Variants in EYS observed in about 807,000 individuals in gnomAD.
EYS encodes the protein EGF-like photoreceptor maintenance factor.
Under a neutral mutation model 282.1 loss-of-function variants are expected in EYS, and 250 were observed. That is an observed-to-expected ratio of 0.89 (90% CI 0.80 to 0.98). The LOEUF is 0.98. Ranked by LOEUF, EYS falls within the 50% of genes least tolerant of loss-of-function variation. The pLI is 0.00. For synonymous variants in EYS, 1,355 were observed against 1,282.9 expected (o/e 1.06, Z -1.20); for missense variants, 4,016 against 3,709.0 (o/e 1.08, Z -2.15).
chr6:64,424,563 G>A lies in EYS; in HGVS notation c.5927+11611C>T, dbSNP rs139365425. On this transcript the variant is annotated intron_variant, in intron 28 of 42. Coordinates refer to ENST00000503581, the MANE Select transcript of EYS (RefSeq NM_001142800.2). Reference sequence around the variant, plus strand: ...TGCTTTATTTCACTGCAAACCCTGCGTGTTTTTAAGACAACAGATGTGGCT... The same window carrying A: ...TGCTTTATTTCACTGCAAACCCTGCATGTTTTTAAGACAACAGATGTGGCT... Among the ~76,000 whole-genome samples, 12 of 152,248 alleles carry A rather than the reference G, an allele frequency of 7.9e-5. No individual in the cohort carries two copies. In the East Asian group the frequency reaches 1.9e-3, roughly 24 times the overall value.
At chr6:65,111,935 C>A (rs1167969902) in intron 12 of EYS, among the ~76,000 whole-genome samples, 1 of 152,078 alleles carries the variant, frequency 6.6e-6, no homozygotes, top group Non-Finnish European at 1.5e-5. Context: ...TGTTCATCTC[C>A]CAGAAAACCT....
rs191017796 is a variant in EYS at position 64,827,904 on chromosome 6, G to T, written c.2993-5082C>A. On this transcript the variant is annotated intron_variant, in intron 19 of 42. Coordinates refer to ENST00000503581, the MANE Select transcript of EYS (RefSeq NM_001142800.2). ...AATTATGAAATGTAAAAAAAATCCAGAAACAACAAAAAATGGATGGAATAA... is the reference window on the plus strand; with the variant it reads ...AATTATGAAATGTAAAAAAAATCCATAAACAACAAAAAATGGATGGAATAA... Among the ~76,000 whole-genome samples, 10 of 151,654 alleles carry T rather than the reference G, an allele frequency of 6.6e-5. No individual in the cohort carries two copies. In the East Asian group the frequency reaches 2.0e-3, roughly 30 times the overall value.
chr6:64,292,659 C>G (rs547826846), intron 30 of EYS, among the ~76,000 whole-genome samples: 1 of 151,974 alleles, frequency 6.6e-6, no homozygotes, highest in East Asian at 1.9e-4. Flanking sequence ...TATCTGACCT[C>G]TTCTTTGTGA....
intron 29 of EYS, among the ~76,000 whole-genome samples, chr6:64,336,891 A>C (rs895380229): frequency 6.6e-6 from 1 of 152,140 alleles, no homozygotes; most frequent in Non-Finnish European, 1.5e-5. Flanking sequence ...GTCAAAAACG[A>C]AGACAAGATG....
intron 28 of EYS, among the ~76,000 whole-genome samples, chr6:64,395,247 G>A (rs1275617477): frequency 6.6e-5 from 10 of 151,882 alleles, no homozygotes; most frequent in Admixed American, 1.3e-4. Context: ...ATCTAGAACT[G>A]GAAATACCAT....
rs185266587 is a variant in EYS at position 64,260,190 on chromosome 6, T to C, written c.6192-29366A>G. On this transcript the variant is annotated intron_variant, in intron 30 of 42. Coordinates refer to ENST00000503581, the MANE Select transcript of EYS (RefSeq NM_001142800.2). ...ACCCTGCTATTTGCTGCAATGCAGC[T>C]AGGATTGCTGGAGTTTCGCTATCTT... 2.7e-3 allele frequency among the ~76,000 whole-genome samples: 404 copies of C among 152,162 alleles called. 2 individuals are homozygous for C. Among genetic ancestry groups the C allele is most frequent in the African/African-American group, 9.0e-3 (372 of 41,546 alleles).
intron 22 of EYS, among the ~76,000 whole-genome samples, chr6:64,646,916 A>G (rs779241345): frequency 5.3e-5 from 8 of 152,118 alleles, no homozygotes; most frequent in Non-Finnish European, 1.2e-4. Flanking sequence ...TACCTAGTTT[A>G]TACTTCTTTG....
chr6:65,257,870 A>T (rs1767512169), intron 12 of EYS, among the ~76,000 whole-genome samples: 1 of 152,036 alleles, frequency 6.6e-6, no homozygotes, highest in Non-Finnish European at 1.5e-5. Context: ...GAAGGAGAAA[A>T]GTAAAGATGG....
At chr6:64,862,188 T>C (rs112505156) in intron 19 of EYS, among the ~76,000 whole-genome samples, 162 of 152,332 alleles carry the variant, frequency 1.1e-3, no homozygotes, top group African/African-American at 3.7e-3. Flanking sequence ...TGTTTTCCTA[T>C]AGGTGAGGTG....
chr6:63,965,400 T>G (rs1162359760), intron 35 of EYS, among the ~76,000 whole-genome samples: 2 of 152,210 alleles, frequency 1.3e-5, no homozygotes, highest in Non-Finnish European at 2.9e-5. Context: ...GTAACATTTA[T>G]ACACCATTGT....
chr6:65,470,320 A>G (rs1339927596), intron 5 of EYS, among the ~76,000 whole-genome samples: 1 of 152,176 alleles, frequency 6.6e-6, no homozygotes, highest in Admixed American at 6.5e-5. Flanking sequence ...ATTTGGTATC[A>G]TTCTGAAGAT....
chr6:65,402,686 G>T, intron 6 of EYS, 81 bp from the exon 7 acceptor site: 1 of 918,590 alleles, frequency 1.1e-6, no homozygotes, highest in Non-Finnish European at 1.7e-6. Flanking sequence ...CTGGAGAAGG[G>T]TTAAAATTAT....
rs1191302825 is a variant in EYS, at chr6:64,171,526, ACTTACT to A, written c.6424+59060_6424+59065del. ...GCTTTTACTGACTGATCTAGAATGTACTTACTCTTAAAGTACCATTGAGAAATACTT... is the reference window on the plus strand; with the variant it reads ...GCTTTTACTGACTGATCTAGAATGTACTTAAAGTACCATTGAGAAATACTT... On this transcript the variant is annotated intron_variant, in intron 31 of 42. Transcript: ENST00000503581. Among the ~76,000 whole-genome samples the A allele has an allele frequency of 3.3e-5, 5 of 152,334 alleles. No individual in the cohort carries two copies. The South Asian group carries it at 8.3e-4, about 25-fold the overall frequency.
chr6:65,433,783 T>G (rs1767965667), intron 5 of EYS, among the ~76,000 whole-genome samples: 1 of 152,218 alleles, frequency 6.6e-6, no homozygotes, highest in Admixed American at 6.5e-5. Context: ...TACTTTTTAT[T>G]TTACTTGATC....
chr6:65,391,648 C>A (rs1428880685), intron 7 of EYS, among the ~76,000 whole-genome samples: 2 of 152,036 alleles, frequency 1.3e-5, no homozygotes, highest in African/African-American at 2.4e-5. Context: ...GAACTACAAA[C>A]CACCGCTCAA....
At chr6:65,134,537 G>A (rs192599913) in intron 12 of EYS, among the ~76,000 whole-genome samples, 2 of 152,030 alleles carry the variant, frequency 1.3e-5, no homozygotes, top group South Asian at 2.1e-4. Context: ...ATAAGGGGAA[G>A]CCAAATGATG....
intron 24 of EYS, among the ~76,000 whole-genome samples, chr6:64,593,811 T>C (rs1766484182): frequency 6.6e-6 from 1 of 152,146 alleles, no homozygotes; most frequent in African/African-American, 2.4e-5. Flanking sequence ...GTGTTTTAGT[T>C]TGACATGAAA....
At chr6:65,251,721 A>T (rs1289558166) in intron 12 of EYS, among the ~76,000 whole-genome samples, 1 of 151,938 alleles carries the variant, frequency 6.6e-6, no homozygotes, top group African/African-American at 2.4e-5. Flanking sequence ...TCAAATATCC[A>T]TAGTCTGAAC....
rs528470667 is a variant in EYS, at chr6:65,521,478, T to C, written c.-332-25485A>G. Among the ~76,000 whole-genome samples, 60 of 152,278 alleles carry C rather than the reference T, an allele frequency of 3.9e-4. No individual in the cohort carries two copies. In the East Asian group the frequency reaches 0.011, roughly 28 times the overall value. On this transcript the variant is annotated intron_variant, in intron 2 of 42. Coordinates refer to ENST00000503581, the MANE Select transcript of EYS (RefSeq NM_001142800.2). The stretch of plus-strand genomic sequence containing the variant: ...CCAAATAGAAAGTTAGTAAATTTAT[T>C]ACTTTAATGAAATAGTATATGCGTG...
Sources: gnomAD v4.1 joint callset for allele counts (sites outside exome capture counted in the v4.1 genomes callset) on GRCh38, gnomAD v4.1.1 for gene constraint, MANE v1.5 for transcripts, NCBI Gene and HGNC (gene_info 2026-07-23, HGNC 2026-07-21) for gene names.